Variants in MDGA2 observed in about 807,000 individuals in gnomAD.
MDGA2 encodes MAM domain containing glycosylphosphatidylinositol anchor 2, also known as MAM domain-containing glycosylphosphatidylinositol anchor protein 2.
Under a neutral mutation model 117.8 loss-of-function variants are expected in MDGA2, and 40 were observed. The ratio of observed to expected loss-of-function variants is 0.34; its 90% confidence interval spans 0.26 to 0.44. The LOEUF (loss-of-function observed/expected upper bound fraction) is 0.44. Among genes scored for constraint, MDGA2 ranks in the 20% least tolerant of loss-of-function variants. The pLI is 1.00. For missense variants in MDGA2, 1,123 were observed against 1,250.6 expected (o/e 0.90, Z 1.54); for synonymous variants, 452 against 439.0 (o/e 1.03, Z -0.37).
intron 1 of MDGA2, among the ~76,000 whole-genome samples, chr14:47,588,992 C>T (rs1450219674): frequency 1.3e-5 from 2 of 151,792 alleles, no homozygotes; most frequent in African/African-American, 4.8e-5. Context: ...ACATTTCCTC[C>T]TCTGATTACA....
At chr14:47,270,893 A>C (rs1888122496) in intron 2 of MDGA2, among the ~76,000 whole-genome samples, 1 of 152,166 alleles carries the variant, frequency 6.6e-6, no homozygotes, top group African/African-American at 2.4e-5. Flanking sequence ...TTGTTTACTC[A>C]TGTGATTTCC....
chr14:47,088,928 T>C (rs1317972200), intron 6 of MDGA2, among the ~76,000 whole-genome samples: 3 of 152,186 alleles, frequency 2.0e-5, no homozygotes, highest in African/African-American at 4.8e-5. Flanking sequence ...GTAAACACTA[T>C]GTTAGTTAGA....
rs1043557689 is a variant in MDGA2, at chr14:47,480,690, A to T, written c.281-179140T>A. ...TCACAGAAGAAGAAAGAATAAACTT[A>T]GTCCACCAGAAGTGGTCCTTAAATA... On this transcript the variant is annotated intron_variant, in intron 1 of 16. Coordinates refer to ENST00000399232, the MANE Select transcript of MDGA2 (RefSeq NM_001113498.3). Among the ~76,000 whole-genome samples the T allele has an allele frequency of 2.6e-5, 4 of 152,046 alleles. No individual in the cohort carries two copies. The South Asian group carries it at 6.2e-4, about 24-fold the overall frequency.
chr14:47,123,574 T>C (rs1025490007), intron 5 of MDGA2, among the ~76,000 whole-genome samples: 1 of 152,194 alleles, frequency 6.6e-6, no homozygotes. Context: ...GTTTCTTCTA[T>C]TTCCTAATAA....
chr14:47,650,870 T>C (rs938352946), intron 1 of MDGA2, among the ~76,000 whole-genome samples: 11 of 152,198 alleles, frequency 7.2e-5, no homozygotes, highest in Admixed American at 5.2e-4. Flanking sequence ...GTTTTCTTTT[T>C]GCAAACTTTT....
At chr14:47,176,134 C>A (rs1884433076) in intron 3 of MDGA2, among the ~76,000 whole-genome samples, 1 of 152,074 alleles carries the variant, frequency 6.6e-6, no homozygotes, top group African/African-American at 2.4e-5. Flanking sequence ...CAAACCACTG[C>A]TCAAGGAAAT....
intron 1 of MDGA2, among the ~76,000 whole-genome samples, chr14:47,638,564 A>C (rs1897364973): frequency 6.6e-6 from 1 of 152,062 alleles, no homozygotes; most frequent in Admixed American, 6.6e-5. Flanking sequence ...ACTCCGACTA[A>C]AATTCCTGAA....
chr14:47,510,052 C>A (rs1028927891), intron 1 of MDGA2, among the ~76,000 whole-genome samples: 2 of 152,074 alleles, frequency 1.3e-5, no homozygotes, highest in Non-Finnish European at 2.9e-5. Flanking sequence ...CATGAAAATT[C>A]GTACGTCGAA....
Position 46,946,120 on chromosome 14 carries a change from A to G in MDGA2, c.2089+11254T>C, listed in dbSNP as rs546953104. Among the ~76,000 whole-genome samples, 13 of 151,870 alleles carry G rather than the reference A, an allele frequency of 8.6e-5. No homozygotes were observed. In the South Asian group the frequency reaches 2.7e-3, roughly 31 times the overall value. On this transcript the variant is annotated intron_variant, in intron 9 of 16. Coordinates refer to ENST00000399232, the MANE Select transcript of MDGA2 (RefSeq NM_001113498.3). ...TCTTTAAAACTCTAAATGATGTTTTAATTTAATCTGAATAAAAATTAAGGT... is the reference window on the plus strand; with the variant it reads ...TCTTTAAAACTCTAAATGATGTTTTGATTTAATCTGAATAAAAATTAAGGT...
chr14:47,614,104 T>TC lies in MDGA2; in HGVS notation c.280+60412_280+60413insG, dbSNP rs1236029955. ...TCTTGTTTTCTTTTTTCTTTTTTTT[T>TC]TTTTTTTTGACAGTGTCTCAAAAAA... is the stretch of plus-strand genomic sequence containing the variant. On this transcript the variant is annotated intron_variant, in intron 1 of 16. Transcript: ENST00000399232. Among the ~76,000 whole-genome samples the TC allele has an allele frequency of 5.4e-5, 8 of 149,030 alleles. No individual in the cohort carries two copies. In the South Asian group the frequency reaches 1.3e-3, roughly 23 times the overall value.
intron 1 of MDGA2, among the ~76,000 whole-genome samples, chr14:47,486,072 C>T (rs929784128): frequency 6.6e-6 from 1 of 152,174 alleles, no homozygotes; most frequent in African/African-American, 2.4e-5. Flanking sequence ...GATCCACGGA[C>T]AGCCTGCATC....
At chr14:47,169,185 T>G (rs904186957) in intron 3 of MDGA2, among the ~76,000 whole-genome samples, 37 of 152,022 alleles carry the variant, frequency 2.4e-4, no homozygotes, top group African/African-American at 8.2e-4. Context: ...AACACAGGCA[T>G]GCTGAGTATA....
intron 3 of MDGA2, among the ~76,000 whole-genome samples, chr14:47,159,994 C>A (rs949693346): frequency 2.0e-5 from 3 of 152,126 alleles, no homozygotes; most frequent in Non-Finnish European, 2.9e-5. Context: ...TAGTTTTCCC[C>A]TAGATTGCAG....
intron 2 of MDGA2, among the ~76,000 whole-genome samples, chr14:47,299,017 C>G (rs17671826): frequency 0.089 from 13,529 of 152,082 alleles, 735 homozygotes; most frequent in Non-Finnish European, 0.11. Flanking sequence ...GCAATATAAG[C>G]TGAAACTGAT....
chr14:47,258,435 G>T (rs1379808484), intron 2 of MDGA2, among the ~76,000 whole-genome samples: 1 of 151,952 alleles, frequency 6.6e-6, no homozygotes, highest in Non-Finnish European at 1.5e-5. Flanking sequence ...TAAACAACCA[G>T]ATCTGAGAAC....
chr14:47,350,988 T>G (rs1890865613), intron 1 of MDGA2, among the ~76,000 whole-genome samples: 1 of 152,142 alleles, frequency 6.6e-6, no homozygotes, highest in East Asian at 1.9e-4. Flanking sequence ...CTCGGCTCAC[T>G]GCAACCTCGG....
intron 3 of MDGA2, among the ~76,000 whole-genome samples, chr14:47,171,837 G>T (rs1288267415): frequency 6.6e-6 from 1 of 152,186 alleles, no homozygotes; most frequent in Admixed American, 6.5e-5. Context: ...CTGAAGCAGG[G>T]CGAGGCATTG....
intron 3 of MDGA2, among the ~76,000 whole-genome samples, chr14:47,174,525 G>T (rs1884343756): frequency 6.6e-6 from 1 of 152,130 alleles, no homozygotes; most frequent in Non-Finnish European, 1.5e-5. Context: ...CATGGAAACT[G>T]AACAACCTGC....
At chr14:47,588,235 TAG>T (rs201841453) in intron 1 of MDGA2, among the ~76,000 whole-genome samples, 11,094 of 90,512 alleles carry the variant, frequency 0.12, 548 homozygotes, top group Middle Eastern at 0.15. Flanking sequence ...TGGAGATAGA[TAG>T]ATATATATAT....
Sources: gnomAD v4.1 joint callset for allele counts (sites outside exome capture counted in the v4.1 genomes callset) on GRCh38, gnomAD v4.1.1 for gene constraint, MANE v1.5 for transcripts, NCBI Gene and HGNC (gene_info 2026-07-23, HGNC 2026-07-21) for gene names.